Variants in TASP1 observed in about 807,000 individuals in gnomAD.
TASP1 encodes taspase 1.
TASP1 carries 16 observed loss-of-function variants against 56.6 expected under a neutral mutation model. That is an observed-to-expected ratio of 0.28 (90% CI 0.19 to 0.43). The LOEUF is 0.43. Among genes scored for constraint, TASP1 ranks in the 20% least tolerant of loss-of-function variants. TASP1 has a pLI of 1.00. For missense variants in TASP1, 393 were observed against 511.6 expected (o/e 0.77, Z 2.24); for synonymous variants, 179 against 184.2 (o/e 0.97, Z 0.23).
chr20:13,633,870 CT>C (rs1290139609), intron 1 of TASP1, among the ~76,000 whole-genome samples: 1 of 151,722 alleles, frequency 6.6e-6, no homozygotes, highest in Non-Finnish European at 1.5e-5. Flanking sequence ...TTAATAATGG[CT>C]TTATTTCTGA....
chr20:13,415,923 T>G (rs960825315), intron 13 of TASP1, among the ~76,000 whole-genome samples: 2 of 152,184 alleles, frequency 1.3e-5, no homozygotes, highest in African/African-American at 2.4e-5. Flanking sequence ...AAGCTACTGT[T>G]AGGCAAGGAT....
the TASP1 span, among the ~76,000 whole-genome samples, chr20:13,311,284 A>G: frequency 9.2e-6 from 1 of 109,074 alleles, no homozygotes; most frequent in Non-Finnish European, 2.0e-5. Context: ...TAGATAGATA[A>G]TAAAATATTT....
intron 4 of TASP1, among the ~76,000 whole-genome samples, chr20:13,598,033 G>C (rs1029219111): frequency 2.0e-5 from 3 of 151,986 alleles, no homozygotes; most frequent in African/African-American, 7.3e-5. Context: ...AAATAAAAGA[G>C]GACACAAACA....
At chr20:13,525,456 T>G (rs529226987) in intron 10 of TASP1, among the ~76,000 whole-genome samples, 3 of 151,918 alleles carry the variant, frequency 2.0e-5, no homozygotes, top group Non-Finnish European at 2.9e-5. Flanking sequence ...CTTACTCATT[T>G]CTCCTCACCC....
chr20:13,176,652 T>G, the TASP1 span, among the ~76,000 whole-genome samples: 2 of 152,184 alleles, frequency 1.3e-5, no homozygotes, highest in African/African-American at 4.8e-5. Flanking sequence ...TCAGAGATAT[T>G]GTCCTGTAGC....
At chr20:13,293,952 C>T in the TASP1 span, among the ~76,000 whole-genome samples, 1 of 149,602 alleles carries the variant, frequency 6.7e-6, no homozygotes, top group African/African-American at 2.5e-5. Flanking sequence ...CCAGCTTGGG[C>T]AACAAGAGTG....
the TASP1 span, among the ~76,000 whole-genome samples, chr20:13,381,779 T>C: frequency 3.3e-5 from 5 of 152,224 alleles, no homozygotes; most frequent in Admixed American, 6.5e-5. Flanking sequence ...GCCATTATTC[T>C]GGGTGCTGGG....
the TASP1 span, among the ~76,000 whole-genome samples, chr20:13,362,103 G>A: frequency 1.3e-5 from 2 of 149,320 alleles, no homozygotes; most frequent in African/African-American, 5.0e-5. Flanking sequence ...TTCCCACGCC[G>A]CCCCTAATCC....
chr20:13,439,204 C>G (rs1350597497), intron 11 of TASP1, among the ~76,000 whole-genome samples: 1 of 152,178 alleles, frequency 6.6e-6, no homozygotes, highest in Admixed American at 6.6e-5. Context: ...GACACATGCA[C>G]ACGTATGTTT....
the TASP1 span, among the ~76,000 whole-genome samples, chr20:13,357,176 T>C: frequency 6.8e-6 from 1 of 147,214 alleles, no homozygotes; most frequent in Non-Finnish European, 1.5e-5. Context: ...GAGTATGGGA[T>C]GGCAGAAAAA....
At chr20:13,221,514 G>T in the TASP1 span, among the ~76,000 whole-genome samples, 10 of 144,448 alleles carry the variant, frequency 6.9e-5, no homozygotes, top group African/African-American at 2.5e-4. Context: ...TCCGCAGCCG[G>T]CTTGGACACC....
At chr20:13,318,865 G>C in the TASP1 span, among the ~76,000 whole-genome samples, 1 of 152,218 alleles carries the variant, frequency 6.6e-6, no homozygotes, top group Non-Finnish European at 1.5e-5. Context: ...GTTGCCAGGG[G>C]TTGAGAAGAG....
the TASP1 span, chr20:13,288,618 C>T: frequency 2.5e-6 from 4 of 1,613,984 alleles, no homozygotes; most frequent in Non-Finnish European, 3.4e-6. Flanking sequence ...CAGAAACGGA[C>T]CCGGTCTTGT....
chr20:13,340,346 G>A, the TASP1 span, among the ~76,000 whole-genome samples: 1 of 152,120 alleles, frequency 6.6e-6, no homozygotes, highest in African/African-American at 2.4e-5. Flanking sequence ...ACCTCCAGAT[G>A]TTTTATCAAG....
the TASP1 span, chr20:13,270,845 A>AAC: frequency 9.0e-7 from 1 of 1,108,754 alleles, no homozygotes; most frequent in Non-Finnish European, 1.3e-6. Context: ...TTTTCTTCTT[A>AAC]ACCCCTTAAT....
chr20:13,406,955 C>G (rs987147522), intron 13 of TASP1, among the ~76,000 whole-genome samples: 1 of 152,098 alleles, frequency 6.6e-6, no homozygotes, highest in Non-Finnish European at 1.5e-5. Context: ...CATTAGCCAC[C>G]GTGCCCGGCT....
chr20:13,190,771 G>A, the TASP1 span, among the ~76,000 whole-genome samples: 2 of 152,022 alleles, frequency 1.3e-5, no homozygotes, highest in African/African-American at 4.8e-5. Context: ...CATGGCAAAG[G>A]AACCAACCAA....
the TASP1 span, among the ~76,000 whole-genome samples, chr20:13,290,556 G>A: frequency 6.6e-6 from 1 of 152,190 alleles, no homozygotes; most frequent in African/African-American, 2.4e-5. Context: ...GGCTGAGGCA[G>A]GAGAATGGCA....
chr20:13,152,142 A>G, the TASP1 span, among the ~76,000 whole-genome samples: 5,752 of 152,252 alleles, frequency 0.038, 157 homozygotes, highest in African/African-American at 0.078. Context: ...CTAGAATCCA[A>G]TTCTGGCTTG....
Sources: gnomAD v4.1 joint callset for allele counts (sites outside exome capture counted in the v4.1 genomes callset) on GRCh38, gnomAD v4.1.1 for gene constraint, MANE v1.5 for transcripts, NCBI Gene and HGNC (gene_info 2026-07-23, HGNC 2026-07-21) for gene names.